PPP1R9A: variants seen among roughly 807,000 people sequenced by gnomAD.
The protein encoded by PPP1R9A is protein phosphatase 1 regulatory subunit 9A.
PPP1R9A carries 59 observed loss-of-function variants against 141.9 expected under a neutral mutation model. That is an observed-to-expected ratio of 0.42 (90% CI 0.34 to 0.52). PPP1R9A has a LOEUF of 0.52. PPP1R9A is among the 20% of genes least tolerant of loss of function. The pLI is 0.10. For missense variants in PPP1R9A, 1,444 were observed against 1,611.9 expected (o/e 0.90, Z 1.78); for synonymous variants, 500 against 569.7 (o/e 0.88, Z 1.74).
At chr7:94,993,641 A>G (rs1801794711) in intron 2 of PPP1R9A, among the ~76,000 whole-genome samples, 1 of 151,778 alleles carries the variant, frequency 6.6e-6, no homozygotes, top group South Asian at 2.1e-4. Context: ...AATATTTCCT[A>G]TTTTTGCTGC....
chr7:94,971,013 G>A (rs189490716), intron 2 of PPP1R9A, among the ~76,000 whole-genome samples: 166 of 152,252 alleles, frequency 1.1e-3, no homozygotes, highest in African/African-American at 3.9e-3. Context: ...CATTTGTCAA[G>A]TGTCTACTCT....
chr7:95,239,167 T>C (rs1270194610), intron 8 of PPP1R9A, among the ~76,000 whole-genome samples: 1 of 152,152 alleles, frequency 6.6e-6, no homozygotes, highest in Non-Finnish European at 1.5e-5. Context: ...ATCTAGGAAA[T>C]TGAGAATTAT....
chr7:95,238,355 T>C (rs1010408450), intron 8 of PPP1R9A, among the ~76,000 whole-genome samples: 4 of 152,116 alleles, frequency 2.6e-5, no homozygotes, highest in African/African-American at 7.2e-5. Context: ...GATAATAAGT[T>C]AGTGTCTAGG....
chr7:95,161,537 C>T (rs572926825), intron 4 of PPP1R9A, among the ~76,000 whole-genome samples: 31 of 152,310 alleles, frequency 2.0e-4, no homozygotes, highest in African/African-American at 7.0e-4. Context: ...AACCTGTGCA[C>T]ATCTTTCAAA....
At chr7:95,089,066 C>G (rs180893769) in intron 2 of PPP1R9A, among the ~76,000 whole-genome samples, 1 of 151,906 alleles carries the variant, frequency 6.6e-6, no homozygotes, top group African/African-American at 2.4e-5. Context: ...ACCATGCCAA[C>G]GTCTATTTAT....
intron 2 of PPP1R9A, among the ~76,000 whole-genome samples, chr7:95,078,376 A>G (rs978369236): frequency 6.6e-6 from 1 of 151,314 alleles, no homozygotes; most frequent in Non-Finnish European, 1.5e-5. Context: ...AATCCAGTCT[A>G]TCATTGTTGG....
In PPP1R9A at chr7:94,910,498, A is replaced by C. The variant is rs554560312; in HGVS notation, c.385A>C (p.Thr129Pro). ...TTCTGAACGAATTAGTAGATTTGAC[A>C]CTATGTACGATGGCCCTTCATATTC... ...SVSERISRFD[T>P]MYDGPSYSKF... Residue 129 changes from threonine (T) to proline (P), a missense_variant, in exon 2 of 20, where the codon ACT (threonine) becomes CCT (proline). Around this residue, in one of 5 missense-constraint regions of PPP1R9A, gnomAD observed 490 missense variants for 521.1 expected, o/e 0.94. Transcript: ENST00000433360. The surrounding 1 kb of genome is among the most constrained non-coding windows in gnomAD (Gnocchi z 4.5). 12 of 1,614,180 alleles carry C rather than the reference A, an allele frequency of 7.4e-6. No individual in the cohort carries two copies. The highest frequency in any genetic ancestry group is 1.7e-5 in the Admixed American group (1 of 60,016).
At chr7:94,954,980 T>A (rs1796929016) in intron 2 of PPP1R9A, among the ~76,000 whole-genome samples, 1 of 151,980 alleles carries the variant, frequency 6.6e-6, no homozygotes, top group Non-Finnish European at 1.5e-5. Context: ...GTTATTCTGC[T>A]TCTTGTGTTT....
intron 2 of PPP1R9A, among the ~76,000 whole-genome samples, chr7:95,023,578 G>A (rs1183516055): frequency 6.6e-6 from 1 of 151,842 alleles, no homozygotes; most frequent in Non-Finnish European, 1.5e-5. Flanking sequence ...GTTTGAGATG[G>A]AGTCTTGCTC....
chr7:95,257,180 C>G (rs1799706113), intron 12 of PPP1R9A, among the ~76,000 whole-genome samples: 1 of 152,038 alleles, frequency 6.6e-6, no homozygotes, highest in Admixed American at 6.6e-5. Flanking sequence ...ACTTGTTCTT[C>G]TAGATACTGA....
intron 5 of PPP1R9A, among the ~76,000 whole-genome samples, chr7:95,184,463 TTTTA>T (rs1336893081): frequency 3.3e-5 from 5 of 151,840 alleles, no homozygotes; most frequent in African/African-American, 4.8e-5. Context: ...AATTATTTCA[TTTTA>T]TTTATTTATT....
At chr7:95,097,882 C>T (rs2152382909) in intron 2 of PPP1R9A, among the ~76,000 whole-genome samples, 1 of 152,270 alleles carries the variant, frequency 6.6e-6, no homozygotes, top group East Asian at 1.9e-4. Context: ...AGATTTACCA[C>T]CAGGAATTGG....
chr7:94,952,520 G>A, intron 2 of PPP1R9A, among the ~76,000 whole-genome samples: 1 of 152,116 alleles, frequency 6.6e-6, no homozygotes, highest in East Asian at 1.9e-4. Flanking sequence ...ACATCCTTGA[G>A]GAATTGCCAC....
intron 2 of PPP1R9A, among the ~76,000 whole-genome samples, chr7:95,083,104 CAA>C (rs1466239855): frequency 2.6e-5 from 4 of 151,804 alleles, no homozygotes; most frequent in African/African-American, 7.3e-5. Context: ...GGTCCCATAA[CAA>C]AAGACATATT....
intron 10 of PPP1R9A, among the ~76,000 whole-genome samples, chr7:95,250,870 C>T (rs1275821357): frequency 6.6e-6 from 1 of 152,046 alleles, no homozygotes; most frequent in Non-Finnish European, 1.5e-5. Flanking sequence ...TTGCTTCCAT[C>T]TCTTGGATCT....
At chr7:94,974,769 A>G (rs1238057713) in intron 2 of PPP1R9A, among the ~76,000 whole-genome samples, 1 of 152,206 alleles carries the variant, frequency 6.6e-6, no homozygotes, top group African/African-American at 2.4e-5. Context: ...AAAGTCAGCT[A>G]TTTGAGTTGT....
intron 2 of PPP1R9A, among the ~76,000 whole-genome samples, chr7:94,957,068 A>C (rs1025587754): frequency 3.9e-5 from 6 of 152,212 alleles, no homozygotes; most frequent in Non-Finnish European, 8.8e-5. Flanking sequence ...TCTCTGCCAT[A>C]ATTTCACATC....
At chr7:94,911,578 A>C in intron 2 of PPP1R9A, 70 bp downstream of exon 2, 1 of 1,228,524 alleles carries the variant, frequency 8.1e-7, no homozygotes, top group South Asian at 1.5e-5. Flanking sequence ...TATGTAGAAT[A>C]GACTTGACAA....
In PPP1R9A at chr7:95,103,362, C is replaced by CTTTTTTTTTTGTTTT. The variant is rs1819051527; in HGVS notation, c.1396-7887_1396-7886insGTTTTTTTTTTTTTT. On this transcript the variant is annotated intron_variant, in intron 2 of 19. Transcript: ENST00000433360. ...GAGTATGTTTGGTTTTTTTTCACTT[C>CTTTTTTTTTTGTTTT]TTTTTTTTTTTTTTTTTTGAGACAG... 2.3e-4 allele frequency among the ~76,000 whole-genome samples: 20 copies of CTTTTTTTTTTGTTTT among 88,818 alleles called. No homozygotes were observed. In the South Asian group the frequency reaches 2.8e-3, roughly 13 times the overall value. 58.3% of individuals were successfully genotyped at this position (88,818 alleles called of 152,430 possible).
Sources: allele counts gnomAD v4.1 joint callset (sites outside exome capture counted in the v4.1 genomes callset), GRCh38; gene constraint gnomAD v4.1.1; regional missense constraint gnomAD v4.1.1; non-coding constraint Gnocchi (gnomAD v3.1); transcripts MANE v1.5; gene names NCBI Gene and HGNC (gene_info 2026-07-23, HGNC 2026-07-21).